MARCHF1: variants seen among roughly 807,000 people sequenced by gnomAD.
MARCHF1 encodes membrane associated ring-CH-type finger 1.
A neutral mutation model predicts 54.2 loss-of-function variants in MARCHF1; 40 were observed. The observed-to-expected ratio is 0.74, with a 90% CI of 0.57 to 0.96. The LOEUF is 0.96. Ranked by LOEUF, MARCHF1 falls within the 40% of genes least tolerant of loss-of-function variation. The pLI is 0.00. For missense variants in MARCHF1, 586 were observed against 656.5 expected (o/e 0.89, Z 1.17); for synonymous variants, 236 against 236.3 (o/e 1.00, Z 0.01).
At chr4:164,119,596 G>C (rs1428640504) in intron 1 of MARCHF1, among the ~76,000 whole-genome samples, 1 of 151,126 alleles carries the variant, frequency 6.6e-6, no homozygotes, top group Non-Finnish European at 1.5e-5. Context: ...AAAAACATGA[G>C]CCAAACTAAT....
chr4:164,257,569 G>A (rs907355866), intron 1 of MARCHF1, among the ~76,000 whole-genome samples: 5 of 151,358 alleles, frequency 3.3e-5, no homozygotes. Flanking sequence ...ATGGGATAGT[G>A]ATAAAATATA....
intron 8 of MARCHF1, 63 bp downstream of exon 8, chr4:163,585,686 A>C: frequency 7.6e-7 from 1 of 1,310,204 alleles, no homozygotes; most frequent in Non-Finnish European, 1.0e-6. Flanking sequence ...AAGGAAATAG[A>C]TTTCTAAAAC....
intron 4 of MARCHF1, among the ~76,000 whole-genome samples, chr4:163,838,613 A>C (rs1191202565): frequency 6.6e-6 from 1 of 152,142 alleles, no homozygotes; most frequent in Non-Finnish European, 1.5e-5. Context: ...AAAATAACTA[A>C]ATTAAAAACA....
chr4:163,726,206 A>T (rs2111309319), intron 4 of MARCHF1, among the ~76,000 whole-genome samples: 1 of 152,290 alleles, frequency 6.6e-6, no homozygotes, highest in East Asian at 1.9e-4. Flanking sequence ...GATAACATGT[A>T]TCCACCATCA....
chr4:163,751,409 T>A (rs779651929), intron 4 of MARCHF1, among the ~76,000 whole-genome samples: 3 of 151,828 alleles, frequency 2.0e-5, no homozygotes, highest in Admixed American at 6.6e-5. Flanking sequence ...ATAAAAGGCA[T>A]AAGGATTGGA....
intron 1 of MARCHF1, among the ~76,000 whole-genome samples, chr4:164,191,800 A>T (rs1579609868): frequency 6.6e-6 from 1 of 152,282 alleles, no homozygotes; most frequent in South Asian, 2.1e-4. Flanking sequence ...CTACAATCAC[A>T]CTTGCTGACA....
rs144509045 is a variant in MARCHF1 at position 163,998,025 on chromosome 4, T to C, written c.-247-9316A>G. Among the ~76,000 whole-genome samples, 132 of 146,632 alleles carry C rather than the reference T, an allele frequency of 9.0e-4. 2 individuals are homozygous for C. Among genetic ancestry groups the C allele is most frequent in the African/African-American group, 2.8e-3 (111 of 39,952 alleles). On this transcript the variant is annotated intron_variant, in intron 2 of 9. Transcript: ENST00000514618. Reference sequence around the variant, plus strand: ...CAAAAGAGATTCTTAATATAGGTACTAAAAATTGTTTTATTACCCTAAGAA... The same window carrying C: ...CAAAAGAGATTCTTAATATAGGTACCAAAAATTGTTTTATTACCCTAAGAA...
intron 1 of MARCHF1, among the ~76,000 whole-genome samples, chr4:164,212,165 CAAT>C (rs1169147888): frequency 6.6e-6 from 1 of 152,114 alleles, no homozygotes; most frequent in African/African-American, 2.4e-5. Context: ...ACAACAAAAA[CAAT>C]AACAACTATT....
chr4:164,158,500 G>A (rs1730136240), intron 1 of MARCHF1, among the ~76,000 whole-genome samples: 1 of 152,084 alleles, frequency 6.6e-6, no homozygotes, highest in Non-Finnish European at 1.5e-5. Context: ...AGTCAGCCAA[G>A]TGTGGTGACG....
chr4:163,531,239 A>G (rs968911596), intron 9 of MARCHF1, among the ~76,000 whole-genome samples: 10 of 151,950 alleles, frequency 6.6e-5, no homozygotes, highest in East Asian at 1.9e-4. Flanking sequence ...TCAACAAAAT[A>G]TTAGCAAATT....
At chr4:164,161,637 G>C (rs754467767) in intron 1 of MARCHF1, among the ~76,000 whole-genome samples, 4 of 152,076 alleles carry the variant, frequency 2.6e-5, no homozygotes, top group Non-Finnish European at 5.9e-5. Flanking sequence ...TTCATCTTTA[G>C]GGTAATTGTT....
chr4:163,827,243 C>T (rs1748878753), intron 4 of MARCHF1, among the ~76,000 whole-genome samples: 1 of 151,966 alleles, frequency 6.6e-6, no homozygotes, highest in Admixed American at 6.6e-5. Flanking sequence ...GCTTTAGTTG[C>T]CTTTCAATCA....
At chr4:164,131,232 C>A (rs1252218904) in intron 1 of MARCHF1, among the ~76,000 whole-genome samples, 1 of 152,034 alleles carries the variant, frequency 6.6e-6, no homozygotes, top group Non-Finnish European at 1.5e-5. Context: ...AGCTAGAATG[C>A]CACTGGGGGT....
intron 8 of MARCHF1, chr4:163,583,832 T>G (rs1326275897): frequency 1.3e-5 from 2 of 151,262 alleles, no homozygotes; most frequent in Non-Finnish European, 2.9e-5. Context: ...TTTTTTTAAC[T>G]TTTTTGTAGA....
intron 1 of MARCHF1, among the ~76,000 whole-genome samples, chr4:164,212,008 T>A (rs1731786675): frequency 6.6e-6 from 1 of 152,102 alleles, no homozygotes; most frequent in East Asian, 1.9e-4. Flanking sequence ...GAAAGAATAT[T>A]ATTATGGGGT....
chr4:163,718,888 A>G (rs1319223533), intron 4 of MARCHF1, among the ~76,000 whole-genome samples: 2 of 152,194 alleles, frequency 1.3e-5, no homozygotes, highest in Admixed American at 6.5e-5. Flanking sequence ...CTGCTATTGT[A>G]AAATCTTTTG....
chr4:163,798,799 AAAAAAGGCTAT>A (rs1374904002), intron 4 of MARCHF1, among the ~76,000 whole-genome samples: 1 of 152,150 alleles, frequency 6.6e-6, no homozygotes, highest in African/African-American at 2.4e-5. Context: ...AAGGGAATGG[AAAAAAGGCTAT>A]AAAAAGTAGT....
rs1389511959 is a variant in MARCHF1 at position 163,638,706 on chromosome 4, T to G, written c.163-25313A>C. 2.0e-5 allele frequency among the ~76,000 whole-genome samples: 3 copies of G among 152,182 alleles called. No individual in the cohort carries two copies. In the South Asian group the frequency reaches 6.2e-4, roughly 31 times the overall value. The stretch of plus-strand genomic sequence containing the variant: ...CAAAAGCAGGATCTCTAATAGATAT[T>G]TGTACATTCACATTCATTGAAATGT... On this transcript the variant is annotated intron_variant, in intron 5 of 9. Coordinates refer to ENST00000514618, the MANE Select transcript of MARCHF1 (RefSeq NM_001394959.1).
intron 1 of MARCHF1, among the ~76,000 whole-genome samples, chr4:164,325,416 A>T (rs1735250746): frequency 6.6e-6 from 1 of 151,362 alleles, no homozygotes; most frequent in Admixed American, 6.6e-5. Context: ...TAAAAGATGG[A>T]TTGTTTAGAA....
Sources: allele counts gnomAD v4.1 joint callset (sites outside exome capture counted in the v4.1 genomes callset), GRCh38; gene constraint gnomAD v4.1.1; transcripts MANE v1.5; gene names NCBI Gene and HGNC (gene_info 2026-07-23, HGNC 2026-07-21).